The following NPIPB2 variants were observed in gnomAD, a reference collection of about 807,000 sequenced individuals.
The protein encoded by NPIPB2 is nuclear pore complex interacting protein family member B2.
In NPIPB2, 27 loss-of-function variants were observed where a neutral mutation model predicts 30.8. The observed-to-expected ratio is 0.88, with a 90% CI of 0.65 to 1.21. The LOEUF (loss-of-function observed/expected upper bound fraction) is 1.21, where lower values mean the gene tolerates loss of function less well. Ranked by LOEUF, NPIPB2 falls within the 50% of genes most tolerant of loss-of-function variation. The pLI, the probability that NPIPB2 is intolerant of heterozygous loss-of-function variation, is 0.00. For synonymous variants in NPIPB2, 147 were observed against 162.0 expected (o/e 0.91, Z 0.70); for missense variants, 440 against 446.2 (o/e 0.99, Z 0.13).
upstream of NPIPB2, among the ~76,000 whole-genome samples, chr16:11,946,189 C>T (rs1022317738): frequency 6.6e-6 from 1 of 151,740 alleles, no homozygotes; most frequent in Non-Finnish European, 1.5e-5. Context: ...AGTTCAAGAC[C>T]AGCCTGACCA....
chr16:11,927,382 A>T (rs1324584408), exon 8 of NPIPB2: 20 of 898,422 alleles, frequency 2.2e-5, no homozygotes, highest in Non-Finnish European at 3.6e-5. Context: ...CTCAGGCTTG[A>T]GTGCAATGGC....
Position 11,941,715 on chromosome 16 carries a change from C to G in NPIPB2, c.63+268G>C, listed in dbSNP as rs1161384733. 4 of 749,372 alleles carry G rather than the reference C, an allele frequency of 5.3e-6. No individual in the cohort carries two copies. The Admixed American group carries it at 8.3e-5, about 16-fold the overall frequency. 46.4% of individuals were successfully genotyped at this position (749,372 alleles called of 1,614,324 possible). A position where few individuals can be genotyped will look rare whatever the true frequency, so the allele number is the denominator to read the frequency against. ...ATCCCTGATGACCCCGGTGGTGCCT[C>G]ACAATGGACGTGCCTCACAATGGAC... On this transcript the variant is annotated intron_variant, in intron 1 of 7. Transcript: ENST00000399147.
chr16:11,945,122 G>C (rs1196109955), upstream of NPIPB2, among the ~76,000 whole-genome samples: 1 of 151,690 alleles, frequency 6.6e-6, no homozygotes, highest in Admixed American at 6.6e-5. Context: ...GGGAGGCAGA[G>C]GTTGCGGTGG....
chr16:11,964,435 A>G (rs1410564534), intron 1 of NPIPB2, among the ~76,000 whole-genome samples: 2 of 148,534 alleles, frequency 1.3e-5, no homozygotes, highest in Non-Finnish European at 3.0e-5. Flanking sequence ...TTTTTTTGAG[A>G]TAGAGTCTTG....
At chr16:11,967,550 T>A in intron 1 of NPIPB2, 1 of 1,602,390 alleles carries the variant, frequency 6.2e-7, no homozygotes, top group Non-Finnish European at 8.5e-7. Flanking sequence ...GGGTTAATGT[T>A]TCCGTTTCTA....
intron 1 of NPIPB2, chr16:11,965,494 C>T (rs1054796052): frequency 6.2e-7 from 1 of 1,603,028 alleles, no homozygotes; most frequent in Non-Finnish European, 8.5e-7. Context: ...TTGGTGTGAA[C>T]TATTCTGTCT....
intron 1 of NPIPB2, among the ~76,000 whole-genome samples, chr16:11,965,782 C>G (rs939305269): frequency 6.6e-6 from 1 of 152,120 alleles, no homozygotes; most frequent in African/African-American, 2.4e-5. Context: ...GCTATCAAAA[C>G]AATCCATAAT....
chr16:11,946,810 A>G (rs1187603572), upstream of NPIPB2, among the ~76,000 whole-genome samples: 1 of 151,994 alleles, frequency 6.6e-6, no homozygotes, highest in Non-Finnish European at 1.5e-5. Context: ...GAATGAAAGC[A>G]TATGTTTACA....
chr16:11,973,514 G>A (rs1031072433), intron 1 of NPIPB2, among the ~76,000 whole-genome samples: 1 of 152,122 alleles, frequency 6.6e-6, no homozygotes, highest in Admixed American at 6.6e-5. Context: ...GTACCCTGGG[G>A]GAGAACCACA....
intron 2 of NPIPB2, among the ~76,000 whole-genome samples, chr16:11,934,553 C>CAA (rs1184843851): frequency 0.034 from 2,513 of 72,898 alleles, 85 homozygotes; most frequent in African/African-American, 0.1. Flanking sequence ...AACTCTGTCT[C>CAA]AAAAAAAAAA....
exon 4 of NPIPB2, chr16:11,933,585 C>T: frequency 6.3e-7 from 1 of 1,588,842 alleles, no homozygotes; most frequent in South Asian, 1.1e-5. Flanking sequence ...TCACCTTCAT[C>T]TTACGGATTT....
upstream of NPIPB2, among the ~76,000 whole-genome samples, chr16:11,942,961 G>A (rs1261712819): frequency 6.6e-6 from 1 of 151,858 alleles, no homozygotes; most frequent in Admixed American, 6.6e-5. Context: ...TTCTATTGAT[G>A]CTACAAATGG....
chr16:11,961,372 T>C, intron 1 of NPIPB2, among the ~76,000 whole-genome samples: 1 of 152,132 alleles, frequency 6.6e-6, no homozygotes, highest in East Asian at 1.9e-4. Flanking sequence ...TTGATCAATA[T>C]CTAAGTTCAA....
intron 4 of NPIPB2, among the ~76,000 whole-genome samples, 164 bp downstream of exon 4, chr16:11,933,353 G>T (rs1283169742): frequency 2.0e-5 from 3 of 151,948 alleles, no homozygotes; most frequent in South Asian, 2.1e-4. Context: ...GGAAGGGAAA[G>T]GAATTATACA....
At chr16:11,927,305 T>C (rs1453403796), downstream of NPIPB2, 17 of 754,270 alleles carry the variant, frequency 2.3e-5, no homozygotes, top group South Asian at 2.6e-4. Context: ...TAGTTTGTTT[T>C]TGGAGTGTGG....
intron 4 of NPIPB2, among the ~76,000 whole-genome samples, chr16:11,931,511 A>C (rs2150907873): frequency 6.6e-6 from 1 of 152,296 alleles, no homozygotes; most frequent in East Asian, 1.9e-4. Context: ...CCTTCAGCAC[A>C]TGCTGTCTGG....
intron 1 of NPIPB2, among the ~76,000 whole-genome samples, chr16:11,961,369 A>G (rs1050282803): frequency 2.0e-5 from 3 of 152,154 alleles, no homozygotes; most frequent in African/African-American, 7.2e-5. Context: ...GTTTTGATCA[A>G]TATCTAAGTT....
intron 1 of NPIPB2, chr16:11,967,679 A>C: frequency 6.2e-7 from 1 of 1,614,216 alleles, no homozygotes; most frequent in Non-Finnish European, 8.5e-7. Flanking sequence ...GCACCTGTGA[A>C]GACTGCATCA....
At chr16:11,946,660 G>A (rs1006529469), upstream of NPIPB2, among the ~76,000 whole-genome samples, 11 of 152,094 alleles carry the variant, frequency 7.2e-5, no homozygotes, top group African/African-American at 1.9e-4. Context: ...GTGAGGCTAT[G>A]GAGAAACAGA....
Sources: allele counts gnomAD v4.1 joint callset (sites outside exome capture counted in the v4.1 genomes callset), GRCh38; gene constraint gnomAD v4.1.1; transcripts MANE v1.5; gene names NCBI Gene and HGNC (gene_info 2026-07-23, HGNC 2026-07-21).